RTN1: variants seen among roughly 807,000 people sequenced by gnomAD.
RTN1 encodes reticulon 1.
Under a neutral mutation model 65.5 loss-of-function variants are expected in RTN1, and 25 were observed. The ratio of observed to expected loss-of-function variants is 0.38; its 90% confidence interval spans 0.28 to 0.53. The LOEUF (loss-of-function observed/expected upper bound fraction) is 0.53, where lower values mean the gene tolerates loss of function less well. Ranked by LOEUF, RTN1 falls within the 20% of genes least tolerant of loss-of-function variation. The pLI, the probability that RTN1 is intolerant of heterozygous loss-of-function variation, is 0.79. For missense variants in RTN1, 983 were observed against 1,025.4 expected, an observed-to-expected ratio of 0.96 and a Z score of 0.57; for synonymous variants, 471 against 447.6, an observed-to-expected ratio of 1.05 and a Z score of -0.66.
At chr14:59,761,010 T>G (rs1885737495) in intron 1 of RTN1, among the ~76,000 whole-genome samples, 2 of 152,228 alleles carry the variant, frequency 1.3e-5, no homozygotes, top group Non-Finnish European at 2.9e-5. Flanking sequence ...TTTCCTATTT[T>G]TATTCACAGA....
In RTN1 at chr14:59,620,605, G is replaced by A. The variant is rs113123300; in HGVS notation, c.1766-13113C>T. On this transcript the variant is annotated intron_variant, in intron 3 of 8. Coordinates refer to ENST00000267484, the MANE Select transcript of RTN1 (RefSeq NM_021136.3). ...CTGTTTCTTCTTACTTTTTAATGTGGCTATTAGAAAATTTATATTTGTGGC... is the reference window on the plus strand; with the variant it reads ...CTGTTTCTTCTTACTTTTTAATGTGACTATTAGAAAATTTATATTTGTGGC... Among the ~76,000 whole-genome samples, 9 of 152,164 alleles carry A rather than the reference G, an allele frequency of 5.9e-5. 1 individual carries two copies. Among genetic ancestry groups the A allele is most frequent in the African/African-American group, 1.9e-4 (8 of 41,504 alleles).
intron 3 of RTN1, among the ~76,000 whole-genome samples, chr14:59,612,815 T>C (rs556271567): frequency 1.3e-5 from 2 of 152,356 alleles, no homozygotes; most frequent in African/African-American, 4.8e-5. Context: ...TAATTAGTCC[T>C]AAAAATTTTT....
chr14:59,716,569 A>G (rs1884537691), intron 3 of RTN1, among the ~76,000 whole-genome samples: 1 of 152,198 alleles, frequency 6.6e-6, no homozygotes, highest in Admixed American at 6.5e-5. Flanking sequence ...ATCAATCACC[A>G]CAGAAACAGT....
intron 3 of RTN1, among the ~76,000 whole-genome samples, chr14:59,714,509 T>C (rs1185219395): frequency 6.6e-6 from 1 of 152,162 alleles, no homozygotes; most frequent in Non-Finnish European, 1.5e-5. Flanking sequence ...TTCCTTCTCC[T>C]TTGCCATCCC....
intron 1 of RTN1, among the ~76,000 whole-genome samples, chr14:59,861,759 A>T (rs1414318242): frequency 6.6e-6 from 1 of 152,204 alleles, no homozygotes; most frequent in Non-Finnish European, 1.5e-5. Context: ...CCTTTGCTTC[A>T]TGAAAGTTCT....
intron 3 of RTN1, among the ~76,000 whole-genome samples, chr14:59,640,986 G>A (rs1477497589): frequency 6.6e-6 from 1 of 151,968 alleles, no homozygotes; most frequent in African/African-American, 2.4e-5. Context: ...TCTGAGACAG[G>A]GTCTTGCCCT....
intron 1 of RTN1, among the ~76,000 whole-genome samples, chr14:59,806,013 G>A (rs1225145352): frequency 3.9e-5 from 6 of 151,958 alleles, no homozygotes; most frequent in Middle Eastern, 3.4e-3. Context: ...TGAGGTGGGC[G>A]GATCACGAGC....
chr14:59,676,205 ATGAC>A (rs1443692620), intron 3 of RTN1, among the ~76,000 whole-genome samples: 2 of 152,226 alleles, frequency 1.3e-5, no homozygotes, highest in Non-Finnish European at 2.9e-5. Context: ...ATGTATACTT[ATGAC>A]TAACTGTCTT....
At position 59,786,664 on chromosome 14, in the gene RTN1, A is replaced by G. The variant is rs781568950; in HGVS notation, c.242-40183T>C. Among the ~76,000 whole-genome samples, 6 of 152,178 alleles carry G rather than the reference A, an allele frequency of 3.9e-5. No homozygotes were observed. The East Asian group carries it at 9.6e-4, about 24-fold the overall frequency. On this transcript the variant is annotated intron_variant, in intron 1 of 8. Transcript: ENST00000267484. ...GAGGATGGGGAAGAAGGAAAAAGAC[A>G]AAGAGGCAAAAATATATAACCTATA...
intron 1 of RTN1, among the ~76,000 whole-genome samples, chr14:59,837,825 A>C (rs1887239715): frequency 6.6e-6 from 1 of 152,124 alleles, no homozygotes; most frequent in Non-Finnish European, 1.5e-5. Context: ...TTTTAACCTT[A>C]ATTAAAAACA....
chr14:59,820,628 C>A (rs181506436), intron 1 of RTN1, among the ~76,000 whole-genome samples: 145 of 152,238 alleles, frequency 9.5e-4, no homozygotes, highest in African/African-American at 3.3e-3. Flanking sequence ...ATACAGCCAA[C>A]CAGTTATCCC....
In RTN1 at chr14:59,628,014, G is replaced by A. The variant is rs1026631164; in HGVS notation, c.1766-20522C>T. Among the ~76,000 whole-genome samples, 32 of 151,524 alleles carry A rather than the reference G, an allele frequency of 2.1e-4. 1 individual carries two copies. Among genetic ancestry groups the A allele is most frequent in the African/African-American group, 7.5e-4 (31 of 41,174 alleles). On this transcript the variant is annotated intron_variant, in intron 3 of 8. Coordinates refer to ENST00000267484, the MANE Select transcript of RTN1 (RefSeq NM_021136.3). ...TAAATTGGTATCCTGGACCTCTGCT[G>A]GTCTATGGGTTTGGCTCACTAAGAA...
chr14:59,685,107 G>T (rs2140224215), intron 3 of RTN1, among the ~76,000 whole-genome samples: 1 of 152,252 alleles, frequency 6.6e-6, no homozygotes, highest in South Asian at 2.1e-4. Flanking sequence ...TGCAGAAAAA[G>T]CATTTAATAA....
At chr14:59,781,784 A>C (rs1180135871) in intron 1 of RTN1, among the ~76,000 whole-genome samples, 2 of 152,228 alleles carry the variant, frequency 1.3e-5, no homozygotes, top group African/African-American at 4.8e-5. Context: ...ATTTGATTAA[A>C]ATTACAAAAT....
chr14:59,607,442 C>A lies in RTN1; in HGVS notation c.1816G>T (p.Gly606Trp). The A allele has an allele frequency of 6.2e-7, 1 of 1,611,846 alleles. No homozygotes were observed. Among genetic ancestry groups the A allele is most frequent in the Non-Finnish European group, 8.5e-7 (1 of 1,178,902 alleles). ...RDIKQTGIVF[G>W]SFLLLLFSLT... The stretch of plus-strand genomic sequence containing the variant: ...GAGAAGAGCAGCAGCAGGAAACTCC[C>A]AAACACGATGCCCGTCTGCTTGATG... Residue 606 changes from glycine to tryptophan, a missense_variant, in exon 4 of 9, where the codon GGG becomes TGG. Physicochemically the swap from Gly to Trp is radical, Grantham distance 184. Around this residue, in one of 2 missense-constraint regions of RTN1, gnomAD observed 165 missense variants for 223.6 expected, o/e 0.74. Transcript: ENST00000267484.
At chr14:59,690,004 G>T (rs530792043) in intron 3 of RTN1, among the ~76,000 whole-genome samples, 1 of 149,706 alleles carries the variant, frequency 6.7e-6, no homozygotes, top group South Asian at 2.1e-4. Context: ...TTTTGGTAGA[G>T]ATGGGATCTT....
chr14:59,806,257 T>A lies in RTN1; in HGVS notation c.242-59776A>T, dbSNP rs556089777. On this transcript the variant is annotated intron_variant, in intron 1 of 8. Transcript: ENST00000267484. ...CTCAAAAAATAATAATAATAATAAT[T>A]ATTATTATATATATTTGACTTAATA... Among the ~76,000 whole-genome samples the A allele has an allele frequency of 4.8e-4, 72 of 150,580 alleles. 1 individual carries two copies. The highest frequency in any genetic ancestry group is 1.7e-3 in the South Asian group (8 of 4,782).
chr14:59,821,241 G>A (rs78310880), intron 1 of RTN1, among the ~76,000 whole-genome samples: 23,090 of 152,114 alleles, frequency 0.15, 2,104 homozygotes, highest in South Asian at 0.27. Flanking sequence ...CTGGTTAGCT[G>A]TATTCCTAGG....
At chr14:59,672,875 C>T (rs1883541081) in intron 3 of RTN1, among the ~76,000 whole-genome samples, 1 of 151,488 alleles carries the variant, frequency 6.6e-6, no homozygotes, top group Non-Finnish European at 1.5e-5. Flanking sequence ...CTCCTGACCT[C>T]ATGATCCACC....
Sources: gnomAD v4.1 joint callset for allele counts (sites outside exome capture counted in the v4.1 genomes callset) on GRCh38, gnomAD v4.1.1 for gene constraint, gnomAD v4.1.1 regional missense constraint, MANE v1.5 for transcripts, NCBI Gene and HGNC (gene_info 2026-07-23, HGNC 2026-07-21) for gene names.